SLC14A2: variants seen among roughly 807,000 people sequenced by gnomAD.
The protein encoded by SLC14A2 is urea transporter 2.
A neutral mutation model predicts 104.6 loss-of-function variants in SLC14A2; 91 were observed. That is an observed-to-expected ratio of 0.87 (90% CI 0.73 to 1.04). The LOEUF (loss-of-function observed/expected upper bound fraction) is 1.04. Among genes scored for constraint, SLC14A2 ranks in the 50% least tolerant of loss-of-function variants. SLC14A2 has a pLI of 0.00. For missense variants in SLC14A2, 1,189 were observed against 1,156.0 expected (o/e 1.03, Z -0.41); for synonymous variants, 476 against 466.4 (o/e 1.02, Z -0.27).
At chr18:45,267,635 C>T (rs1284085121) in intron 1 of SLC14A2, among the ~76,000 whole-genome samples, 1 of 152,188 alleles carries the variant, frequency 6.6e-6, no homozygotes, top group Non-Finnish European at 1.5e-5. Flanking sequence ...TGTCAAAGAA[C>T]ATCAGACCTG....
intron 1 of SLC14A2, among the ~76,000 whole-genome samples, chr18:45,615,858 A>T (rs74933044): frequency 4.3e-4 from 65 of 150,194 alleles, no homozygotes; most frequent in African/African-American, 1.6e-3. Context: ...AGAGAGAGAG[A>T]GGGAGAGAGA....
intron 1 of SLC14A2, among the ~76,000 whole-genome samples, chr18:45,280,126 C>G (rs1348105620): frequency 6.6e-6 from 1 of 152,192 alleles, no homozygotes; most frequent in Non-Finnish European, 1.5e-5. Context: ...GAAACTGAGG[C>G]TCCAAGACGG....
intron 2 of SLC14A2, among the ~76,000 whole-genome samples, chr18:45,586,983 CTTTAT>C (rs1307471585): frequency 2.0e-5 from 3 of 151,962 alleles, no homozygotes; most frequent in African/African-American, 4.8e-5. Context: ...GTTTATTCTT[CTTTAT>C]TTTAAATTAT....
intron 1 of SLC14A2, among the ~76,000 whole-genome samples, chr18:45,399,765 A>G (rs1425623926): frequency 6.6e-6 from 1 of 152,104 alleles, no homozygotes; most frequent in Non-Finnish European, 1.5e-5. Flanking sequence ...AACTGGTGAG[A>G]TTACATTTGG....
chr18:45,618,690 AAAAAAAAAG>A (rs1254499166), intron 1 of SLC14A2, among the ~76,000 whole-genome samples: 1 of 144,342 alleles, frequency 6.9e-6, no homozygotes, highest in Non-Finnish European at 1.5e-5. Context: ...AAAAAAAAAA[AAAAAAAAAG>A]AAGTAGTAAA....
chr18:45,373,822 T>C (rs2085747071), intron 1 of SLC14A2, among the ~76,000 whole-genome samples: 1 of 152,112 alleles, frequency 6.6e-6, no homozygotes, highest in African/African-American at 2.4e-5. Flanking sequence ...TCCTAATAGG[T>C]AGGTGAAAGA....
chr18:45,391,427 T>C (rs1303696528), intron 1 of SLC14A2, among the ~76,000 whole-genome samples: 2 of 152,252 alleles, frequency 1.3e-5, no homozygotes, highest in Non-Finnish European at 2.9e-5. Context: ...TTATAATCCT[T>C]TGGGTATATA....
the SLC14A2 span, among the ~76,000 whole-genome samples, chr18:45,171,926 G>A: frequency 6.6e-6 from 1 of 152,038 alleles, no homozygotes; most frequent in Non-Finnish European, 1.5e-5. Flanking sequence ...CCTCGGTGGG[G>A]CAAATCACTA....
intron 19 of SLC14A2, among the ~76,000 whole-genome samples, chr18:45,680,543 T>C (rs376992453): frequency 1.5e-4 from 23 of 152,246 alleles, no homozygotes; most frequent in South Asian, 4.2e-4. Flanking sequence ...CCATCCAAGC[T>C]CTCCTCAGAA....
In SLC14A2 at chr18:45,430,230, A is replaced by C. The variant is rs369371909; in HGVS notation, c.-124-53003A>C. Among the ~76,000 whole-genome samples, 28 of 152,288 alleles carry C rather than the reference A, an allele frequency of 1.8e-4. No homozygotes were observed. In the East Asian group the frequency reaches 4.4e-3, roughly 24 times the overall value. On this transcript the variant is annotated intron_variant, in intron 1 of 20. Coordinates refer to the SLC14A2 transcript ENST00000586448. ...TTTGAGAGTTAGGTAGCTTTCCCCA[A>C]ATCACATAGTTGGTTAGTAGCAATG...
rs899153252 is a variant in SLC14A2, at chr18:45,672,958, C to T, written c.2288C>T (p.Thr763Ile). ...GTGTACGGCTGTGATAACCCCTGGACTGGAGGCATCTTCCTCATAGCTCTG... is the reference window on the plus strand; with the variant it reads ...GTGTACGGCTGTGATAACCCCTGGATTGGAGGCATCTTCCTCATAGCTCTG... Reference protein sequence around the residue: ...GQVYGCDNPWTGGIFLIALFI... With the variant: ...GQVYGCDNPWIGGIFLIALFI... The change falls in exon 17 of 20, where the codon ACT (threonine) becomes ATT (isoleucine). Residue 763 changes from threonine to isoleucine, a missense_variant. Transcript: ENST00000255226. The T allele has an allele frequency of 1.1e-5, 18 of 1,614,024 alleles. No individual in the cohort carries two copies. The highest frequency in any genetic ancestry group is 1.4e-5 in the Non-Finnish European group (17 of 1,179,988).
intron 1 of SLC14A2, among the ~76,000 whole-genome samples, chr18:45,400,382 C>T (rs2086083025): frequency 6.6e-6 from 1 of 152,102 alleles, no homozygotes; most frequent in Admixed American, 6.5e-5. Context: ...ATAATTAGAC[C>T]CAGGTTATGG....
intron 1 of SLC14A2, among the ~76,000 whole-genome samples, chr18:45,328,947 G>T (rs1489927618): frequency 6.6e-6 from 1 of 152,166 alleles, no homozygotes; most frequent in East Asian, 1.9e-4. Context: ...CCTTTATTCA[G>T]ATTCCAAAAG....
At chr18:45,188,760 G>A in the SLC14A2 span, among the ~76,000 whole-genome samples, 1 of 152,170 alleles carries the variant, frequency 6.6e-6, no homozygotes. Flanking sequence ...GATGGAGTAT[G>A]AAGGCAGCCA....
intron 1 of SLC14A2, among the ~76,000 whole-genome samples, chr18:45,453,304 C>T (rs1001084837): frequency 6.6e-6 from 1 of 152,090 alleles, no homozygotes; most frequent in African/African-American, 2.4e-5. Context: ...CCGGCATCCC[C>T]TGGCTGAGAG....
chr18:45,446,917 T>TTCCCTCTCCCCC (rs1330288955), intron 1 of SLC14A2, among the ~76,000 whole-genome samples: 1 of 152,108 alleles, frequency 6.6e-6, no homozygotes, highest in Non-Finnish European at 1.5e-5. Flanking sequence ...TCCTATCTCC[T>TTCCCTCTCCCCC]TCCCTCTCCC....
chr18:45,650,489 G>GC (rs969320000), intron 10 of SLC14A2, among the ~76,000 whole-genome samples: 1 of 152,086 alleles, frequency 6.6e-6, no homozygotes, highest in Non-Finnish European at 1.5e-5. Context: ...AACTCTGTCT[G>GC]CCTCATGGTC....
chr18:45,615,469 C>T (rs2144467690), upstream of SLC14A2: 1 of 152,304 alleles, frequency 6.6e-6, no homozygotes, highest in East Asian at 1.9e-4. Context: ...TGGCAAGTTC[C>T]TGCTCCACAC....
chr18:45,636,758 T>C (rs2045422482), intron 5 of SLC14A2, among the ~76,000 whole-genome samples: 1 of 152,110 alleles, frequency 6.6e-6, no homozygotes, highest in Admixed American at 6.5e-5. Flanking sequence ...AGGTGTAAGC[T>C]TATGAAGCAG....
Sources: allele counts gnomAD v4.1 joint callset (sites outside exome capture counted in the v4.1 genomes callset), GRCh38; gene constraint gnomAD v4.1.1; transcripts MANE v1.5; gene names NCBI Gene and HGNC (gene_info 2026-07-23, HGNC 2026-07-21).